The following PARD3B variants were observed in gnomAD, a reference collection of about 807,000 sequenced individuals.
PARD3B encodes the protein partitioning defective 3 homolog B.
Under a neutral mutation model 130.2 loss-of-function variants are expected in PARD3B, and 103 were observed. That is an observed-to-expected ratio of 0.79 (90% confidence interval 0.67 to 0.93). The LOEUF (loss-of-function observed/expected upper bound fraction) is 0.93. PARD3B is among the 40% of genes least tolerant of loss of function. The pLI is 0.00. For synonymous variants in PARD3B, 583 were observed against 553.2 expected (o/e 1.05, Z -0.76); for missense variants, 1,609 against 1,499.2 (o/e 1.07, Z -1.21).
At chr2:204,786,921 A>G (rs1036245823) in intron 2 of PARD3B, among the ~76,000 whole-genome samples, 1 of 152,008 alleles carries the variant, frequency 6.6e-6, no homozygotes, top group Non-Finnish European at 1.5e-5. Context: ...TGCCAGTCGT[A>G]CACTCTGGAA....
At chr2:204,652,233 G>T (rs1362771931) in intron 1 of PARD3B, among the ~76,000 whole-genome samples, 1 of 151,802 alleles carries the variant, frequency 6.6e-6, no homozygotes, top group Middle Eastern at 3.2e-3. Context: ...CGAACTTCTT[G>T]CTCTGCTTCC....
At chr2:204,645,533 G>T (rs1475050409) in intron 1 of PARD3B, among the ~76,000 whole-genome samples, 1 of 152,110 alleles carries the variant, frequency 6.6e-6, no homozygotes, top group African/African-American at 2.4e-5. Flanking sequence ...GCATTTTCCT[G>T]CATATTCCAA....
intron 2 of PARD3B, among the ~76,000 whole-genome samples, chr2:204,846,457 T>C (rs2044465809): frequency 1.3e-5 from 2 of 151,920 alleles, no homozygotes; most frequent in Admixed American, 1.3e-4. Context: ...CTAAAATTAA[T>C]CCCTAATTGT....
chr2:204,554,167 G>A (rs560487668), intron 1 of PARD3B, among the ~76,000 whole-genome samples: 1 of 151,526 alleles, frequency 6.6e-6, no homozygotes, highest in East Asian at 1.9e-4. Flanking sequence ...CCTCCTCTAC[G>A]TCTTAGCACT....
intron 20 of PARD3B, among the ~76,000 whole-genome samples, chr2:205,493,185 T>C (rs1559144606): frequency 6.6e-6 from 1 of 152,046 alleles, no homozygotes; most frequent in Non-Finnish European, 1.5e-5. Flanking sequence ...TCTCAGGTGT[T>C]TTAGAAGTTC....
intron 3 of PARD3B, among the ~76,000 whole-genome samples, chr2:205,025,926 G>A (rs963593248): frequency 1.3e-5 from 2 of 152,168 alleles, no homozygotes; most frequent in Non-Finnish European, 2.9e-5. Context: ...ATTTCTGCAT[G>A]CTTGCTTAAC....
intron 18 of PARD3B, among the ~76,000 whole-genome samples, chr2:205,392,540 A>C (rs928608843): frequency 1.3e-5 from 2 of 152,226 alleles, no homozygotes; most frequent in African/African-American, 4.8e-5. Flanking sequence ...ATAACATATC[A>C]AAATTTAAAA....
chr2:205,490,237 G>C (rs958240657), intron 20 of PARD3B, among the ~76,000 whole-genome samples: 2 of 152,058 alleles, frequency 1.3e-5, no homozygotes, highest in Admixed American at 1.3e-4. Context: ...AACATTAGGT[G>C]TATCTCCTAA....
chr2:204,983,170 GT>G (rs1414948795), intron 3 of PARD3B, among the ~76,000 whole-genome samples: 3 of 152,128 alleles, frequency 2.0e-5, no homozygotes, highest in South Asian at 2.1e-4. Context: ...AGCCAATGCA[GT>G]TTGGGTTGTC....
chr2:204,895,064 A>C (rs962460820), intron 2 of PARD3B, among the ~76,000 whole-genome samples: 11 of 147,364 alleles, frequency 7.5e-5, no homozygotes, highest in South Asian at 2.1e-4. Context: ...ACCAAAAAAA[A>C]CCCCATAATT....
At chr2:205,466,295 G>A (rs2048621581) in intron 20 of PARD3B, among the ~76,000 whole-genome samples, 1 of 152,132 alleles carries the variant, frequency 6.6e-6, no homozygotes, top group African/African-American at 2.4e-5. Flanking sequence ...TCCTCATATC[G>A]GTGAGATTTG....
At chr2:204,962,726 A>G (rs990515804) in intron 2 of PARD3B, among the ~76,000 whole-genome samples, 2 of 152,194 alleles carry the variant, frequency 1.3e-5, no homozygotes, top group African/African-American at 2.4e-5. Flanking sequence ...AAGTCTGTGT[A>G]TATTGTAGAT....
chr2:204,903,427 G>A (rs1019706972), intron 2 of PARD3B, among the ~76,000 whole-genome samples: 16 of 152,108 alleles, frequency 1.1e-4, no homozygotes, highest in African/African-American at 3.4e-4. Context: ...CATGTTTAAT[G>A]TGTTTTGTTT....
At chr2:205,383,947 T>C (rs2045572422) in intron 18 of PARD3B, among the ~76,000 whole-genome samples, 1 of 152,128 alleles carries the variant, frequency 6.6e-6, no homozygotes, top group Non-Finnish European at 1.5e-5. Flanking sequence ...CATCTAATGT[T>C]TATATTTATA....
chr2:204,692,770 G>C (rs1452024645), intron 2 of PARD3B, among the ~76,000 whole-genome samples: 1 of 151,904 alleles, frequency 6.6e-6, no homozygotes, highest in Non-Finnish European at 1.5e-5. Context: ...AATTACCTTG[G>C]TCATGAAATT....
chr2:205,127,550 A>G (rs1283627743), intron 10 of PARD3B, among the ~76,000 whole-genome samples: 1 of 152,146 alleles, frequency 6.6e-6, no homozygotes, highest in Non-Finnish European at 1.5e-5. Context: ...TTATTATCAA[A>G]TATGTAAAGA....
rs948814256 is a variant in PARD3B at position 205,470,421 on chromosome 2, A to G, written c.3045-29475A>G. 6.6e-6 allele frequency among the ~76,000 whole-genome samples: 1 copy of G among 152,278 alleles called. No individual in the cohort carries two copies. The highest frequency in any genetic ancestry group is 1.9e-4 in the East Asian group (1 of 5,172). Reference sequence around the variant, plus strand: ...TCTTTGTTAACCACAGTGCCCATGTATCCACTGTCAGATGACTCCCTCTGC... The same window carrying G: ...TCTTTGTTAACCACAGTGCCCATGTGTCCACTGTCAGATGACTCCCTCTGC... On this transcript the variant is annotated intron_variant, in intron 20 of 22. Coordinates refer to ENST00000406610, the MANE Select transcript of PARD3B (RefSeq NM_001302769.2). The surrounding 1 kb of genome is among the most constrained non-coding windows in gnomAD (Gnocchi z 4.8).
In PARD3B at chr2:204,706,374, A is replaced by AAAAAAG. The variant is rs1190313997; in HGVS notation, c.222+20109_222+20114dup. ...AGAGTGAGACTCTGTCTCAAAAAAA[A>AAAAAAG]AAAAAGAAAAAGAAAAAGAAAAGGG... On this transcript the variant is annotated intron_variant, in intron 2 of 22. Transcript: ENST00000406610. Among the ~76,000 whole-genome samples the AAAAAAG allele has an allele frequency of 7.9e-3, 1,174 of 149,436 alleles. 9 individuals are homozygous for AAAAAAG. Among genetic ancestry groups the AAAAAAG allele is most frequent in the African/African-American group, 0.027 (1,068 of 39,154 alleles).
chr2:205,058,106 T>C (rs766466312), intron 4 of PARD3B, among the ~76,000 whole-genome samples: 1 of 151,788 alleles, frequency 6.6e-6, no homozygotes, highest in Non-Finnish European at 1.5e-5. Context: ...TCTGTTATAC[T>C]TTTTCTCCCT....
Sources: gnomAD v4.1 joint callset for allele counts (sites outside exome capture counted in the v4.1 genomes callset) on GRCh38, gnomAD v4.1.1 for gene constraint, Gnocchi (gnomAD v3.1) non-coding constraint, MANE v1.5 for transcripts, NCBI Gene and HGNC (gene_info 2026-07-23, HGNC 2026-07-21) for gene names.